Variants in DET1 observed in about 807,000 individuals in gnomAD.
The protein encoded by DET1 is DET1 homolog.
A neutral mutation model predicts 43.7 loss-of-function variants in DET1; 22 were observed. The observed-to-expected ratio is 0.50, with a 90% CI of 0.36 to 0.72. The LOEUF is 0.72. Among genes scored for constraint, DET1 ranks in the 30% least tolerant of loss-of-function variants. DET1 has a pLI of 0.00. For missense variants in DET1, 713 were observed against 713.3 expected, an observed-to-expected ratio of 1.00 and a Z score of 0.00; for synonymous variants, 315 against 266.2, an observed-to-expected ratio of 1.18 and a Z score of -1.79.
In DET1 at chr15:88,512,709, C is replaced by T. The variant is rs551339447; in HGVS notation, c.*242G>A. ...AAAAATGAAATGGACTTAATTAATG[C>T]TGGGCATTCCCACAGGGAAAACGCA... On this transcript the variant is annotated 3_prime_UTR_variant, in exon 5 of 5. Coordinates refer to ENST00000268148, the MANE Select transcript of DET1 (RefSeq NM_001144074.3). The T allele has an allele frequency of 2.4e-6, 3 of 1,239,172 alleles. No individual in the cohort carries two copies. Among genetic ancestry groups the T allele is most frequent in the Non-Finnish European group, 3.0e-6 (3 of 990,960 alleles). The allele number at this position is 1,239,172 out of a possible 1,614,324, so 76.8% of individuals were successfully genotyped here.
At chr15:88,512,014 G>A (rs150428385), downstream of DET1, among the ~76,000 whole-genome samples, 1 of 152,356 alleles carries the variant, frequency 6.6e-6, no homozygotes, top group Admixed American at 6.5e-5. Flanking sequence ...TTGAGAATGT[G>A]ACAGAGGATG....
In DET1 at chr15:88,512,687, A is replaced by T. The variant is rs2056225256; in HGVS notation, c.*264T>A. 8.3e-7 allele frequency: 1 copy of T among 1,205,098 alleles called. No homozygotes were observed. The highest frequency in any genetic ancestry group is 1.0e-6 in the Non-Finnish European group (1 of 969,580). The allele number at this position is 1,205,098 out of a possible 1,614,324, so 74.7% of individuals were successfully genotyped here. On this transcript the variant is annotated 3_prime_UTR_variant, in exon 5 of 5. Coordinates refer to ENST00000268148, the MANE Select transcript of DET1 (RefSeq NM_001144074.3). ...GCAATCAAATGCAAAGTAAAGCAAA[A>T]ATGAAATGGACTTAATTAATGCTGG...
intron 3 of DET1, among the ~76,000 whole-genome samples, chr15:88,519,039 G>A (rs750552375): frequency 1.3e-5 from 2 of 149,946 alleles, no homozygotes; most frequent in Non-Finnish European, 3.0e-5. Context: ...TTTTCAGCAA[G>A]ACCTGGCACC....
chr15:88,540,076 C>T (rs962309578), intron 1 of DET1, among the ~76,000 whole-genome samples: 3 of 152,028 alleles, frequency 2.0e-5, no homozygotes, highest in Non-Finnish European at 4.4e-5. Context: ...CCCTACTCTG[C>T]ACATTTCGGT....
Position 88,531,058 on chromosome 15 carries a change from C to T in DET1, c.648G>A (p.Leu216=). ...ACAAGTACAGCCCTTGGTTGTGTGA[C>T]AAGACCACCTTGTCACACTTGAACG... The part of the protein sequence containing the change: ...TRTFKCDKVV[L]SHNQGLYLYK... The change falls in exon 2 of 5, where the codon TTG becomes TTA. Residue 216 remains leucine (L), a synonymous_variant. Transcript: ENST00000268148. The surrounding 1 kb of genome is among the most constrained non-coding windows in gnomAD (Gnocchi z 6.2). 6.2e-7 allele frequency: 1 copy of T among 1,613,750 alleles called. No homozygotes were observed. Among genetic ancestry groups the T allele is most frequent in the Non-Finnish European group, 8.5e-7 (1 of 1,179,790 alleles).
intron 4 of DET1, among the ~76,000 whole-genome samples, chr15:88,513,566 C>T (rs1160603918): frequency 1.3e-5 from 2 of 149,852 alleles, no homozygotes. Context: ...ATTTCATTTA[C>T]TCCAATATAT....
At chr15:88,535,425 A>C (rs61507843) in intron 1 of DET1, among the ~76,000 whole-genome samples, 13,677 of 148,700 alleles carry the variant, frequency 0.092, 764 homozygotes, top group South Asian at 0.12. Flanking sequence ...GATCTTGAGG[A>C]GTAGAATGCT....
At chr15:88,532,822 A>G (rs1775118571) in intron 1 of DET1, among the ~76,000 whole-genome samples, 1 of 152,244 alleles carries the variant, frequency 6.6e-6, no homozygotes, top group Non-Finnish European at 1.5e-5. Flanking sequence ...TATAAGACCC[A>G]TAACTATAAA....
chr15:88,533,947 T>C (rs941978058), intron 1 of DET1, among the ~76,000 whole-genome samples: 21 of 148,416 alleles, frequency 1.4e-4, no homozygotes, highest in Middle Eastern at 7.1e-3. Flanking sequence ...AGAATGGTGG[T>C]CACCAGGGAC....
intron 3 of DET1, among the ~76,000 whole-genome samples, chr15:88,522,870 T>G (rs1403329206): frequency 7.1e-6 from 1 of 141,588 alleles, no homozygotes; most frequent in East Asian, 2.0e-4. Flanking sequence ...TGTAACATTG[T>G]TTTTTTTTTC....
intron 7 of DET1, among the ~76,000 whole-genome samples, chr15:88,507,346 C>T (rs1225050558): frequency 1.3e-5 from 2 of 152,320 alleles, no homozygotes; most frequent in South Asian, 2.1e-4. Flanking sequence ...CACTGATTTA[C>T]ACCCACCACC....
At chr15:88,506,770 AG>A (rs1472031887) in intron 7 of DET1, among the ~76,000 whole-genome samples, 1 of 152,170 alleles carries the variant, frequency 6.6e-6, no homozygotes, top group African/African-American at 2.4e-5. Flanking sequence ...CAAATGAAAG[AG>A]GTTTTGCTAT....
chr15:88,540,083 C>T (rs12907930), intron 1 of DET1, among the ~76,000 whole-genome samples: 80,436 of 151,584 alleles, frequency 0.53, 21,498 homozygotes, highest in East Asian at 0.66. Flanking sequence ...CTGCACATTT[C>T]GGTTTCCACT....
chr15:88,527,677 C>T lies in DET1; in HGVS notation c.1193G>A (p.Arg398His), dbSNP rs776856246. 3.1e-6 allele frequency: 5 copies of T among 1,613,660 alleles called. No individual in the cohort carries two copies. Among genetic ancestry groups the T allele is most frequent in the Admixed American group, 3.3e-5 (2 of 59,978 alleles). Residue 398 changes from arginine to histidine, a missense_variant, in exon 3 of 5, where the codon CGT becomes CAT. Arg to His is a conservative substitution (Grantham distance 29). Coordinates refer to ENST00000268148, the MANE Select transcript of DET1 (RefSeq NM_001144074.3). ...AACTTCACTGTGCAGGGTAGCATTA[C>T]GAAAAAGGTCACAGAAGTTCTCAAA... is the stretch of plus-strand genomic sequence containing the variant. ...ELFENFCDLFRNATLHSEVQF... is the reference protein window; with the variant it reads ...ELFENFCDLFHNATLHSEVQF...
At chr15:88,540,155 G>T (rs1480821448) in intron 1 of DET1, among the ~76,000 whole-genome samples, 2 of 152,102 alleles carry the variant, frequency 1.3e-5, no homozygotes, top group African/African-American at 2.4e-5. Flanking sequence ...ACCCTTGAAA[G>T]AAAGAGCTAA....
chr15:88,537,859 G>T (rs2056993479), intron 1 of DET1, among the ~76,000 whole-genome samples: 1 of 152,160 alleles, frequency 6.6e-6, no homozygotes, highest in Non-Finnish European at 1.5e-5. Flanking sequence ...TCTCCTTTAG[G>T]AAGTGTTCCC....
chr15:88,531,283 G>A lies in DET1; in HGVS notation c.423C>T (p.Asn141=), dbSNP rs1196715187. Residue 141 remains asparagine, a synonymous_variant, in exon 2 of 5, where the codon AAC becomes AAT. Coordinates refer to ENST00000268148, the MANE Select transcript of DET1 (RefSeq NM_001144074.3). This position sits in a 1 kb window ranked among gnomAD's most constrained non-coding sequence, Gnocchi z 6.2. ...TNVAANGEHL[N]RECSLFTDDC... is the part of the protein sequence containing the mutation. ...CATCAGTGAAGAGACTACACTCCCG[G>A]TTCAGGTGCTCACCATTGGCCGCAA... 3.1e-6 allele frequency: 5 copies of A among 1,613,914 alleles called. No individual in the cohort carries two copies. Among genetic ancestry groups the A allele is most frequent in the Admixed American group, 1.7e-5 (1 of 60,022 alleles).
chr15:88,531,021 G>C lies in DET1; in HGVS notation c.685C>G (p.Leu229Val), dbSNP rs747856922. 1 of 1,613,588 alleles carries C rather than the reference G, an allele frequency of 6.2e-7. No individual in the cohort carries two copies. The highest frequency in any genetic ancestry group is 8.5e-7 in the Non-Finnish European group (1 of 1,179,644). Reference protein sequence around the residue: ...NQGLYLYKNILAILSVQQQTI... With the variant: ...NQGLYLYKNIVAILSVQQQTI... ...TGTTGTTGCACAGACAAGATGGCCA[G>C]GATGTTTTTGTACAAGTACAGCCCT... Residue 229 changes from leucine to valine, a missense_variant, in exon 2 of 5, where the codon CTG becomes GTG. Coordinates refer to ENST00000268148, the MANE Select transcript of DET1 (RefSeq NM_001144074.3). This position sits in a 1 kb window ranked among gnomAD's most constrained non-coding sequence, Gnocchi z 6.2.
chr15:88,531,922 T>G lies in DET1; in HGVS notation c.-10-207A>C. ...TAGAAACAGGTCTAAGGGAAGGATC[T>G]AGTTCACTAGGAATACCTTCCAAGT... On this transcript the variant is annotated intron_variant, in intron 1 of 4. Transcript: ENST00000268148. The surrounding 1 kb of genome is among the most constrained non-coding windows in gnomAD (Gnocchi z 6.2). 1 of 558,432 alleles carries G rather than the reference T, an allele frequency of 1.8e-6. No individual in the cohort carries two copies. Among genetic ancestry groups the G allele is most frequent in the South Asian group, 2.5e-5 (1 of 40,616 alleles). The allele number at this position is 558,432 out of a possible 1,614,324, so 34.6% of individuals were successfully genotyped here. A position where few individuals can be genotyped will look rare whatever the true frequency, so the allele number is the denominator to read the frequency against.
Sources: allele counts gnomAD v4.1 joint callset (sites outside exome capture counted in the v4.1 genomes callset), GRCh38; gene constraint gnomAD v4.1.1; non-coding constraint Gnocchi (gnomAD v3.1); transcripts MANE v1.5; gene names NCBI Gene and HGNC (gene_info 2026-07-23, HGNC 2026-07-21).